PTCD2: variants seen among roughly 807,000 people sequenced by gnomAD.
PTCD2 encodes the protein pentatricopeptide repeat-containing protein 2, mitochondrial.
In PTCD2, 31 loss-of-function variants were observed where a neutral mutation model predicts 42.6. That is an observed-to-expected ratio of 0.73 (90% CI 0.55 to 0.98). The LOEUF (loss-of-function observed/expected upper bound fraction) is 0.98. PTCD2 is among the 50% of genes least tolerant of loss of function. The pLI, the probability that PTCD2 is intolerant of heterozygous loss-of-function variation, is 0.00. For synonymous variants in PTCD2, 183 were observed against 170.9 expected (o/e 1.07, Z -0.55); for missense variants, 476 against 454.8 (o/e 1.05, Z -0.42).
rs1753245564 is a variant in PTCD2, at chr5:72,368,225, T to TTGCTAAGCCCAAGTA, written c.*9799_*9813dup. On this transcript the variant is annotated 3_prime_UTR_variant, in exon 10 of 10. Coordinates refer to ENST00000380639, the MANE Select transcript of PTCD2 (RefSeq NM_024754.5). Reference sequence around the variant, plus strand: ...GTGTGGGACAAAGACAACCAGCACATTGCTAAGCCCAAGTAGCAAATTTCC... The same window carrying TTGCTAAGCCCAAGTA: ...GTGTGGGACAAAGACAACCAGCACATTGCTAAGCCCAAGTATGCTAAGCCCAAGTAGCAAATTTCC... 6.6e-6 allele frequency: 1 copy of TTGCTAAGCCCAAGTA among 152,170 alleles called. No homozygotes were observed. Among genetic ancestry groups the TTGCTAAGCCCAAGTA allele is most frequent in the African/African-American group, 2.4e-5 (1 of 41,434 alleles). The allele number at this position is 152,170 out of a possible 1,614,324, so 9.4% of individuals were successfully genotyped here. A position where few individuals can be genotyped will look rare whatever the true frequency, so the allele number is the denominator to read the frequency against.
At chr5:72,343,181 A>T in intron 8 of PTCD2, 145 bp downstream of exon 8, 1 of 433,504 alleles carries the variant, frequency 2.3e-6, no homozygotes, top group South Asian at 6.2e-5. Flanking sequence ...CATTTATTGA[A>T]TTCCTCTCTG....
At chr5:72,337,341 A>C (rs1263908081) in intron 6 of PTCD2, among the ~76,000 whole-genome samples, 1 of 152,048 alleles carries the variant, frequency 6.6e-6, no homozygotes, top group Non-Finnish European at 1.5e-5. Flanking sequence ...CTCTGGATTC[A>C]ATAATTCTTT....
chr5:72,340,857 T>C (rs1303726578), intron 7 of PTCD2, among the ~76,000 whole-genome samples: 1 of 152,114 alleles, frequency 6.6e-6, no homozygotes, highest in African/African-American at 2.4e-5. Context: ...CTGATTTTTT[T>C]CCACTTGATT....
rs923835528 is a variant in PTCD2 at position 72,334,951 on chromosome 5, C to G, written c.469-67C>G. On this transcript the variant is annotated intron_variant, in intron 4 of 9. Coordinates refer to ENST00000380639, the MANE Select transcript of PTCD2 (RefSeq NM_024754.5). ...TAATAAGACCTGGCTAGATAAGAGA[C>G]AGTAAAAGTACCTCCTCAATAAATA... 34 of 919,620 alleles carry G rather than the reference C, an allele frequency of 3.7e-5. No individual in the cohort carries two copies. In the African/African-American group the frequency reaches 5.3e-4, roughly 14 times the overall value. 57.0% of individuals were successfully genotyped at this position (919,620 alleles called of 1,614,324 possible).
At position 72,366,340 on chromosome 5, in the gene PTCD2, A is replaced by T. The variant is rs952164565; in HGVS notation, c.*7913A>T. On this transcript the variant is annotated 3_prime_UTR_variant, in exon 10 of 10. Transcript: ENST00000380639. Reference sequence around the variant, plus strand: ...GCCATTTCTCAGATAAAGAAACTGAAGCTCAGAGACGTTTAGTTGCTTGCC... The same window carrying T: ...GCCATTTCTCAGATAAAGAAACTGATGCTCAGAGACGTTTAGTTGCTTGCC... 6 of 152,262 alleles carry T rather than the reference A, an allele frequency of 3.9e-5. No homozygotes were observed. Among genetic ancestry groups the T allele is most frequent in the Non-Finnish European group, 8.8e-5 (6 of 68,058 alleles). The allele number at this position is 152,262 out of a possible 1,614,324, so 9.4% of individuals were successfully genotyped here. A position where few individuals can be genotyped will look rare whatever the true frequency, so the allele number is the denominator to read the frequency against.
rs545667197 is a variant in PTCD2 at position 72,348,349 on chromosome 5, A to C, written c.829-4292A>C. Among the ~76,000 whole-genome samples, 6 of 152,340 alleles carry C rather than the reference A, an allele frequency of 3.9e-5. No homozygotes were observed. In the East Asian group the frequency reaches 1.2e-3, roughly 29 times the overall value. ...AGTCAGTATTCACAGAAATCAATGAAACTTTTTTCTGATATACTTTAAAAA... is the reference window on the plus strand; with the variant it reads ...AGTCAGTATTCACAGAAATCAATGACACTTTTTTCTGATATACTTTAAAAA... On this transcript the variant is annotated intron_variant, in intron 8 of 9. Coordinates refer to ENST00000380639, the MANE Select transcript of PTCD2 (RefSeq NM_024754.5).
chr5:72,327,182 T>A (rs1322177985), intron 3 of PTCD2, among the ~76,000 whole-genome samples: 1 of 152,202 alleles, frequency 6.6e-6, no homozygotes, highest in African/African-American at 2.4e-5. Flanking sequence ...GGTATCTCCC[T>A]CAGCTCTAGC....
In PTCD2 at chr5:72,335,852, C is replaced by T. The variant is rs557761429; in HGVS notation, c.606C>T (p.Thr202=). The part of the protein sequence containing the change: ...KNQDVKFTKD[T]YVLAFAICYK... ...AAGATGTGAAGTTCACCAAAGATAC[C>T]TATGTTCTTGCTTTTGCAATTTGCT... The change falls in exon 6 of 10, where the codon ACC becomes ACT. Residue 202 remains threonine (T), a synonymous_variant. Transcript: ENST00000380639. 214 of 1,613,586 alleles carry T rather than the reference C, an allele frequency of 1.3e-4. 3 individuals are homozygous for T. The South Asian group carries it at 2.1e-3, about 16-fold the overall frequency.
intron 4 of PTCD2, among the ~76,000 whole-genome samples, chr5:72,332,822 T>C (rs1456976059): frequency 2.6e-5 from 4 of 152,160 alleles, no homozygotes; most frequent in African/African-American, 9.7e-5. Context: ...ATGGAGTCAT[T>C]GAACTGTGGC....
chr5:72,339,996 T>G (rs1308346735), intron 7 of PTCD2, among the ~76,000 whole-genome samples: 1 of 152,204 alleles, frequency 6.6e-6, no homozygotes, highest in Non-Finnish European at 1.5e-5. Flanking sequence ...GTCTCTTATA[T>G]ACTGCATAAA....
At position 72,322,246 on chromosome 5, in the gene PTCD2, A is replaced by G. The variant is rs763465660; in HGVS notation, c.202A>G (p.Asn68Asp). ...FQQKKVAVAC[N>D]LSGTKETYFR... ...ACAAAAGAAAGTGGCTGTTGCATGT[A>G]ATCTTTCTGGCACTAAAGGTAATAG... Residue 68 changes from asparagine to aspartate, a missense_variant, in exon 2 of 10, where the codon AAT (asparagine) becomes GAT (aspartate). Transcript: ENST00000380639. The G allele has an allele frequency of 6.3e-7, 1 of 1,590,748 alleles. No individual in the cohort carries two copies. Among genetic ancestry groups the G allele is most frequent in the Non-Finnish European group, 8.6e-7 (1 of 1,159,212 alleles).
rs1430789437 is a variant in PTCD2, at chr5:72,345,451, C to T, written c.828+2415C>T. On this transcript the variant is annotated intron_variant, in intron 8 of 9. Coordinates refer to ENST00000380639, the MANE Select transcript of PTCD2 (RefSeq NM_024754.5). ...GGGTCCTGAGGCGACATACATCCTC[C>T]TCAGTTTAAGAAGATGACGGGATTA... Among the ~76,000 whole-genome samples, 3 of 152,290 alleles carry T rather than the reference C, an allele frequency of 2.0e-5. No homozygotes were observed. In the East Asian group the frequency reaches 5.8e-4, roughly 29 times the overall value.
intron 8 of PTCD2, among the ~76,000 whole-genome samples, chr5:72,348,606 A>G (rs1752475324): frequency 6.6e-6 from 1 of 152,212 alleles, no homozygotes; most frequent in South Asian, 2.1e-4. Context: ...AAACTTCTCA[A>G]TCTCAAACAT....
intron 8 of PTCD2, among the ~76,000 whole-genome samples, chr5:72,344,794 A>T (rs769092629): frequency 3.1e-4 from 47 of 152,170 alleles, no homozygotes; most frequent in Non-Finnish European, 5.4e-4. Context: ...GTGAGCCATA[A>T]AACCAGTAAG....
chr5:72,334,279 G>T (rs991041738), intron 4 of PTCD2, among the ~76,000 whole-genome samples: 6 of 152,204 alleles, frequency 3.9e-5, no homozygotes, highest in South Asian at 4.1e-4. Flanking sequence ...AATCAATTCT[G>T]TATTATCCGT....
chr5:72,364,950 A>T lies in PTCD2; in HGVS notation c.*6523A>T, dbSNP rs1230800074. On this transcript the variant is annotated 3_prime_UTR_variant, in exon 10 of 10. Transcript: ENST00000380639. The stretch of plus-strand genomic sequence containing the variant: ...GTTCCAGGTGACTTTCAAGTTGCTA[A>T]TGAAAGAGGATCAAAGCGCTGCTGA... 5 of 152,320 alleles carry T rather than the reference A, an allele frequency of 3.3e-5. No individual in the cohort carries two copies. Among genetic ancestry groups the T allele is most frequent in the Non-Finnish European group, 5.9e-5 (4 of 68,116 alleles). 9.4% of individuals were successfully genotyped at this position (152,320 alleles called of 1,614,324 possible).
At chr5:72,345,071 A>T (rs1235174330) in intron 8 of PTCD2, among the ~76,000 whole-genome samples, 2 of 152,198 alleles carry the variant, frequency 1.3e-5, no homozygotes, top group East Asian at 3.8e-4. Flanking sequence ...TGTCCTAATA[A>T]GCCTGGGAGC....
chr5:72,323,106 C>T (rs1277383706), intron 2 of PTCD2, among the ~76,000 whole-genome samples: 1 of 152,010 alleles, frequency 6.6e-6, no homozygotes, highest in African/African-American at 2.4e-5. Flanking sequence ...GCCATGATCA[C>T]ACCACTGCAC....
chr5:72,342,844 T>C (rs1752144443), intron 7 of PTCD2, 118 bp from the exon 8 acceptor site: 1 of 457,818 alleles, frequency 2.2e-6, no homozygotes, highest in African/African-American at 2.0e-5. Context: ...ATTTTATCTT[T>C]GTGGACTTCA....
Sources: gnomAD v4.1 joint callset for allele counts (sites outside exome capture counted in the v4.1 genomes callset) on GRCh38, gnomAD v4.1.1 for gene constraint, MANE v1.5 for transcripts, NCBI Gene and HGNC (gene_info 2026-07-23, HGNC 2026-07-21) for gene names.